The following RBFOX1 variants were observed in gnomAD, a reference collection of about 807,000 sequenced individuals.
RBFOX1 encodes the protein RNA binding protein fox-1 homolog 1.
RBFOX1 carries 8 observed loss-of-function variants against 57.7 expected under a neutral mutation model. The ratio of observed to expected loss-of-function variants is 0.14; its 90% CI spans 0.08 to 0.25. RBFOX1 has a LOEUF of 0.25. Among genes scored for constraint, RBFOX1 ranks in the 10% least tolerant of loss-of-function variants. The pLI, the probability that RBFOX1 is intolerant of heterozygous loss-of-function variation, is 1.00. For missense variants in RBFOX1, 611 were observed against 548.5 expected (o/e 1.11, Z -1.14); for synonymous variants, 326 against 222.4 (o/e 1.47, Z -4.15).
intron 4 of RBFOX1, among the ~76,000 whole-genome samples, chr16:7,272,644 G>A (rs1370567107): frequency 6.8e-6 from 1 of 148,102 alleles, no homozygotes; most frequent in African/African-American, 2.6e-5. Flanking sequence ...ATCAATCTGT[G>A]AATTTTTACT....
At chr16:7,047,810 T>C (rs909233137) in intron 3 of RBFOX1, among the ~76,000 whole-genome samples, 21 of 151,410 alleles carry the variant, frequency 1.4e-4, no homozygotes, top group Non-Finnish European at 2.5e-4. Context: ...CAAGTTTACT[T>C]CTTTTTCTTC....
chr16:5,620,190 C>T (rs148809807), intron 3 of RBFOX1, among the ~76,000 whole-genome samples: 5 of 152,182 alleles, frequency 3.3e-5, no homozygotes, highest in African/African-American at 1.2e-4. Context: ...GCGCCATGCT[C>T]ACATTATCCC....
At chr16:7,301,132 G>C (rs183013887) in intron 4 of RBFOX1, among the ~76,000 whole-genome samples, 2 of 152,338 alleles carry the variant, frequency 1.3e-5, no homozygotes, top group Admixed American at 6.5e-5. Flanking sequence ...GGCTGGCAAA[G>C]TGTTGTCATC....
chr16:7,618,099 A>G (rs1165916708), intron 10 of RBFOX1, among the ~76,000 whole-genome samples: 2 of 152,218 alleles, frequency 1.3e-5, no homozygotes, highest in Non-Finnish European at 2.9e-5. Context: ...GCTAAGGTAT[A>G]TTGATCTGTT....
intron 4 of RBFOX1, among the ~76,000 whole-genome samples, chr16:7,217,452 G>A (rs996919949): frequency 9.9e-5 from 15 of 151,802 alleles, no homozygotes; most frequent in Non-Finnish European, 2.1e-4. Flanking sequence ...CAGGATTTAT[G>A]AGCGAAAGCA....
intron 2 of RBFOX1, among the ~76,000 whole-genome samples, chr16:6,565,729 A>G (rs1250279675): frequency 6.6e-6 from 1 of 152,202 alleles, no homozygotes; most frequent in Non-Finnish European, 1.5e-5. Context: ...TGGCTTTCCA[A>G]AGTGCTGGGA....
intron 1 of RBFOX1, among the ~76,000 whole-genome samples, chr16:5,451,215 A>G (rs1233641123): frequency 6.6e-6 from 1 of 152,140 alleles, no homozygotes; most frequent in African/African-American, 2.4e-5. Flanking sequence ...GTTAATTTCT[A>G]AGACCCATTT....
intron 2 of RBFOX1, among the ~76,000 whole-genome samples, chr16:6,365,257 TG>T (rs950301155): frequency 1.3e-4 from 20 of 150,976 alleles, no homozygotes; most frequent in African/African-American, 4.7e-4. Flanking sequence ...GACAGATGGA[TG>T]GGGGGATAGG....
intron 3 of RBFOX1, among the ~76,000 whole-genome samples, chr16:7,014,385 ATTTTTATTTTTTTG>A (rs1305088089): frequency 1.3e-5 from 2 of 150,326 alleles, no homozygotes; most frequent in African/African-American, 2.5e-5. Context: ...GCTTTTTTTT[ATTTTTATTTTTTTG>A]TTTTTATTTT....
intron 3 of RBFOX1, among the ~76,000 whole-genome samples, chr16:6,939,771 C>T (rs895900851): frequency 2.6e-5 from 4 of 152,062 alleles, no homozygotes; most frequent in African/African-American, 9.7e-5. Context: ...CTTGGCCTAC[C>T]ATAGTGCTGG....
intron 2 of RBFOX1, among the ~76,000 whole-genome samples, chr16:5,581,899 CA>C (rs1232843217): frequency 2.6e-5 from 4 of 152,144 alleles, no homozygotes; most frequent in Non-Finnish European, 5.9e-5. Flanking sequence ...GATTTAGGAA[CA>C]GAAGCAAGGA....
At chr16:6,846,002 AT>A (rs1243821536) in intron 3 of RBFOX1, among the ~76,000 whole-genome samples, 7 of 152,232 alleles carry the variant, frequency 4.6e-5, no homozygotes, top group African/African-American at 1.7e-4. Flanking sequence ...TCTCTGTAAA[AT>A]GAACCTGTGC....
intron 4 of RBFOX1, among the ~76,000 whole-genome samples, chr16:7,517,483 A>T (rs571144028): frequency 6.6e-6 from 1 of 152,092 alleles, no homozygotes; most frequent in Admixed American, 6.6e-5. Context: ...TGTCCAAATT[A>T]GGCCCTGAAT....
At chr16:7,380,271 T>A (rs1240283418) in intron 4 of RBFOX1, among the ~76,000 whole-genome samples, 1 of 152,190 alleles carries the variant, frequency 6.6e-6, no homozygotes, top group Non-Finnish European at 1.5e-5. Context: ...TAGAATCGTA[T>A]AAAATAAAAA....
chr16:7,136,806 T>C (rs1005963282), intron 4 of RBFOX1, among the ~76,000 whole-genome samples: 8 of 152,232 alleles, frequency 5.3e-5, no homozygotes, highest in Non-Finnish European at 1.2e-4. Flanking sequence ...TTCTAAATTC[T>C]GATATGGCAA....
chr16:7,011,814 C>G (rs143619389), intron 3 of RBFOX1, among the ~76,000 whole-genome samples: 1 of 152,118 alleles, frequency 6.6e-6, no homozygotes, highest in Non-Finnish European at 1.5e-5. Context: ...GCACCGTGCC[C>G]CAAGTTGTTT....
intron 3 of RBFOX1, among the ~76,000 whole-genome samples, chr16:5,666,421 C>G (rs2049846466): frequency 6.6e-6 from 1 of 152,180 alleles, no homozygotes; most frequent in South Asian, 2.1e-4. Context: ...ATGACAAGGT[C>G]CACTGAATTC....
At chr16:6,805,875 C>G (rs1296367006) in intron 3 of RBFOX1, among the ~76,000 whole-genome samples, 1 of 152,210 alleles carries the variant, frequency 6.6e-6, no homozygotes, top group African/African-American at 2.4e-5. Flanking sequence ...CTCTTTCCAA[C>G]ACGAATCACT....
chr16:5,477,782 C>T (rs985506755), intron 2 of RBFOX1, among the ~76,000 whole-genome samples: 1 of 152,006 alleles, frequency 6.6e-6, no homozygotes, highest in Non-Finnish European at 1.5e-5. Context: ...AAAAGACCTC[C>T]TAGAAATTCG....
Sources: allele counts gnomAD v4.1 joint callset (sites outside exome capture counted in the v4.1 genomes callset), GRCh38; gene constraint gnomAD v4.1.1; transcripts MANE v1.5; gene names NCBI Gene and HGNC (gene_info 2026-07-23, HGNC 2026-07-21).